Variants in NSD2 observed in about 807,000 individuals in gnomAD.
The protein encoded by NSD2 is nuclear receptor binding SET domain protein 2, also known as histone-lysine N-methyltransferase NSD2.
NSD2 carries 12 observed loss-of-function variants against 139.0 expected under a neutral mutation model. That is an observed-to-expected ratio of 0.09 (90% CI 0.06 to 0.14). The LOEUF (loss-of-function observed/expected upper bound fraction) is 0.14. NSD2 is among the 10% of genes least tolerant of loss of function. The pLI, the probability that NSD2 is intolerant of heterozygous loss-of-function variation, is 1.00. For synonymous variants in NSD2, 669 were observed against 648.7 expected (o/e 1.03, Z -0.48); for missense variants, 1,155 against 1,745.0 (o/e 0.66, Z 6.02).
Position 1,956,289 on chromosome 4 carries a change from C to A in NSD2, c.2881+101C>A. Reference sequence around the variant, plus strand: ...TTTGATCTTTATAGAAAATACTGGACTAAGCATTCAATCTGTTTTTTTAAA... The same window carrying A: ...TTTGATCTTTATAGAAAATACTGGAATAAGCATTCAATCTGTTTTTTTAAA... On this transcript the variant is annotated intron_variant, in intron 15 of 21. Transcript: ENST00000508803. The surrounding 1 kb of genome is among the most constrained non-coding windows in gnomAD (Gnocchi z 5.3). The A allele has an allele frequency of 9.6e-7, 1 of 1,041,670 alleles. No individual in the cohort carries two copies. Among genetic ancestry groups the A allele is most frequent in the Non-Finnish European group, 1.3e-6 (1 of 747,160 alleles). 64.5% of individuals were successfully genotyped at this position (1,041,670 alleles called of 1,614,324 possible). A position where few individuals can be genotyped will look rare whatever the true frequency, so the allele number is the denominator to read the frequency against.
rs969900665 is a variant in NSD2 at position 1,979,038 on chromosome 4, C to G, written c.*129C>G. ...GCCAGGACACAGACGTACAGGCCTC[C>G]TCGGGAGGGAGCGCCTCCCCACCAC... On this transcript the variant is annotated 3_prime_UTR_variant, in exon 22 of 22. Transcript: ENST00000508803. 14 of 1,241,190 alleles carry G rather than the reference C, an allele frequency of 1.1e-5. No individual in the cohort carries two copies. In the South Asian group the frequency reaches 2.2e-4, roughly 20 times the overall value. The allele number at this position is 1,241,190 out of a possible 1,614,324, so 76.9% of individuals were successfully genotyped here.
rs745857741 is a variant in NSD2 at position 1,972,853 on chromosome 4, CAT to C, written c.3373-2009_3373-2008del. ...GGAAGCTATGGGAAAGTTTTTGACA[CAT>C]TTTTTTTTCTTTTTGGAGACGGAGT... On this transcript the variant is annotated intron_variant, in intron 18 of 21. Transcript: ENST00000508803. This position sits in a 1 kb window ranked among gnomAD's most constrained non-coding sequence, Gnocchi z 4.0. Among the ~76,000 whole-genome samples the C allele has an allele frequency of 9.9e-5, 15 of 152,080 alleles. No individual in the cohort carries two copies. Among genetic ancestry groups the C allele is most frequent in the Non-Finnish European group, 1.5e-4 (10 of 67,998 alleles).
intron 5 of NSD2, among the ~76,000 whole-genome samples, chr4:1,926,459 G>C (rs1720928845): frequency 6.6e-6 from 1 of 151,152 alleles, no homozygotes. Flanking sequence ...GGTTTGGCTT[G>C]AATTTTTAAT....
In NSD2 at chr4:1,939,731, G is replaced by A; in HGVS notation, c.1834G>A (p.Gly612Arg). Residue 612 changes from glycine (G) to arginine (R), a missense_variant, in exon 9 of 22, where the codon GGG becomes AGG. Physicochemically the swap from Gly to Arg is moderately radical, Grantham distance 125. Transcript: ENST00000508803. ...RASTAASSAL[G>R]FSKSSSPSAS... is the part of the protein sequence containing the mutation. ...TTCCACGGCAGCATCTTCAGCTCTT[G>A]GGTTTAGCAAAAGTTCATCTCCTTC... The A allele has an allele frequency of 6.2e-7, 1 of 1,614,190 alleles. No homozygotes were observed. Among genetic ancestry groups the A allele is most frequent in the South Asian group, 1.1e-5 (1 of 91,076 alleles).
At chr4:1,932,175 A>G (rs910797908) in intron 6 of NSD2, among the ~76,000 whole-genome samples, 2 of 152,064 alleles carry the variant, frequency 1.3e-5, no homozygotes, top group Non-Finnish European at 2.9e-5. Flanking sequence ...GGTGGCTCAC[A>G]CCTGTAATCC....
At position 1,974,728 on chromosome 4, in the gene NSD2, TG is replaced by T; in HGVS notation, c.3373-133del. The T allele has an allele frequency of 1.6e-6, 2 of 1,254,214 alleles. No homozygotes were observed. The highest frequency in any genetic ancestry group is 2.3e-6 in the Non-Finnish European group (2 of 862,820). The allele number at this position is 1,254,214 out of a possible 1,614,324, so 77.7% of individuals were successfully genotyped here. On this transcript the variant is annotated intron_variant, in intron 18 of 21. Coordinates refer to ENST00000508803, the MANE Select transcript of NSD2 (RefSeq NM_001042424.3). This position sits in a 1 kb window ranked among gnomAD's most constrained non-coding sequence, Gnocchi z 4.0. ...CTGGTTTGGGGGTGTCCTGTCTCAGTGGACACAGGACACCACGGTTTTCAGT... is the reference window on the plus strand; with the variant it reads ...CTGGTTTGGGGGTGTCCTGTCTCAGTGACACAGGACACCACGGTTTTCAGT...
At chr4:1,947,402 T>G (rs763811771) in intron 9 of NSD2, 1 of 1,060,462 alleles carries the variant, frequency 9.4e-7, no homozygotes, top group Non-Finnish European at 1.1e-6. Flanking sequence ...GACTGTGGTG[T>G]GCAGTGGTGC....
At chr4:1,950,874 A>G (rs1378388296) in intron 9 of NSD2, among the ~76,000 whole-genome samples, 198 bp from the exon 10 acceptor site, 2 of 152,192 alleles carry the variant, frequency 1.3e-5, no homozygotes, top group Non-Finnish European at 2.9e-5. Context: ...TGAATTTTCT[A>G]CATAGCCTAA....
chr4:1,952,058 T>C (rs763411971), intron 10 of NSD2, 50 bp from the exon 11 acceptor site: 89 of 1,599,008 alleles, frequency 5.6e-5, no homozygotes, highest in East Asian at 3.8e-4. Flanking sequence ...TGGTAAGAGG[T>C]GCAGAAGGGA....
At position 1,972,803 on chromosome 4, in the gene NSD2, G is replaced by A. The variant is rs1186959834; in HGVS notation, c.3373-2060G>A. Among the ~76,000 whole-genome samples the A allele has an allele frequency of 6.6e-6, 1 of 152,232 alleles. No individual in the cohort carries two copies. On this transcript the variant is annotated intron_variant, in intron 18 of 21. Transcript: ENST00000508803. The surrounding 1 kb of genome is among the most constrained non-coding windows in gnomAD (Gnocchi z 4.0). ...GCAGCTTTGTGAGAAAAGACATTGT[G>A]CACGGAAGATTCCATTGGGAGCTGG... is the stretch of plus-strand genomic sequence containing the variant.
At chr4:1,878,983 CTG>C (rs1714506046) in intron 1 of NSD2, among the ~76,000 whole-genome samples, 1 of 152,102 alleles carries the variant, frequency 6.6e-6, no homozygotes, top group African/African-American at 2.4e-5. Flanking sequence ...TGTTACCTCT[CTG>C]TGAACCAGGG....
At chr4:1,945,373 G>C (rs1190705078) in intron 9 of NSD2, 1 of 1,064,378 alleles carries the variant, frequency 9.4e-7, no homozygotes, top group Non-Finnish European at 1.1e-6. Context: ...CCCTGGCCCT[G>C]GCCTTGCTTG....
At chr4:1,915,228 G>T (rs1487128582) in intron 3 of NSD2, among the ~76,000 whole-genome samples, 5 of 143,700 alleles carry the variant, frequency 3.5e-5, no homozygotes, top group Non-Finnish European at 6.0e-5. Context: ...CCATTCTCCT[G>T]CCTCAGCCTC....
At chr4:1,966,127 C>G (rs1725859999) in intron 18 of NSD2, among the ~76,000 whole-genome samples, 2 of 152,148 alleles carry the variant, frequency 1.3e-5, no homozygotes, top group Non-Finnish European at 2.9e-5. Context: ...GAAATTAAGA[C>G]ATTCCCAGAT....
At chr4:1,876,738 G>T (rs1440910846) in intron 1 of NSD2, among the ~76,000 whole-genome samples, 4 of 151,846 alleles carry the variant, frequency 2.6e-5, no homozygotes, top group African/African-American at 9.7e-5. Context: ...ACCCTAGTGG[G>T]TGTGTAGAAA....
At chr4:1,914,803 A>G (rs776614044) in intron 3 of NSD2, among the ~76,000 whole-genome samples, 3 of 151,992 alleles carry the variant, frequency 2.0e-5, no homozygotes, top group Non-Finnish European at 4.4e-5. Context: ...TTGCTATTCT[A>G]TTTCTTGTTC....
At chr4:1,941,578 TTGA>T in intron 9 of NSD2, 1 of 1,038,480 alleles carries the variant, frequency 9.6e-7, no homozygotes, top group Non-Finnish European at 1.2e-6. Context: ...ATGTCAGAAG[TTGA>T]TAGGTTGTTA....
chr4:1,952,778 G>A (rs1724411436), intron 11 of NSD2: 3 of 1,128,724 alleles, frequency 2.7e-6, no homozygotes, highest in Non-Finnish European at 3.3e-6. Flanking sequence ...TCTGGGGTCT[G>A]TGAGGATGAT....
chr4:1,940,070 TTG>T, intron 9 of NSD2: 1 of 1,279,282 alleles, frequency 7.8e-7, no homozygotes, highest in Non-Finnish European at 1.0e-6. Context: ...CTGAAGAATG[TTG>T]TGTTCTGTGT....
Sources: gnomAD v4.1 joint callset for allele counts (sites outside exome capture counted in the v4.1 genomes callset) on GRCh38, gnomAD v4.1.1 for gene constraint, Gnocchi (gnomAD v3.1) non-coding constraint, MANE v1.5 for transcripts, NCBI Gene and HGNC (gene_info 2026-07-23, HGNC 2026-07-21) for gene names.